Variants in PLEC observed in about 807,000 individuals in gnomAD.
PLEC encodes the protein hemidesmosomal protein 1.
PLEC carries 216 observed loss-of-function variants against 392.8 expected under a neutral mutation model. The ratio of observed to expected loss-of-function variants is 0.55; its 90% confidence interval spans 0.49 to 0.62. The LOEUF is 0.62. Among genes scored for constraint, PLEC ranks in the 20% least tolerant of loss-of-function variants. PLEC has a pLI of 0.00. For missense variants in PLEC, 6,863 were observed against 6,563.4 expected (o/e 1.05, Z -1.58); for synonymous variants, 3,621 against 2,980.6 (o/e 1.21, Z -7.00).
In PLEC at chr8:143,950,285, CG is replaced by C; in HGVS notation, c.421del (p.Arg141ValfsTer112). The C allele has an allele frequency of 6.4e-7, 1 of 1,570,518 alleles. No homozygotes were observed. On this transcript the variant is annotated frameshift_variant, in exon 1 of 32. Coordinates refer to the PLEC transcript ENST00000322810. LOFTEE classifies it high-confidence loss of function. ...TGACACCTCCTCAAGCTCCTTCCGA[CG>C]GTAGACCCGCTGCTCCTCCGTCGGC...
Position 143,918,789 on chromosome 8 carries a change from C to T in PLEC, c.11032G>A (p.Glu3678Lys), listed in dbSNP as rs782377451. 1.8e-5 allele frequency: 29 copies of T among 1,613,026 alleles called. No individual in the cohort carries two copies. The highest frequency in any genetic ancestry group is 1.7e-4 in the Admixed American group (10 of 60,004). The change falls in exon 32 of 32, where the codon GAG (glutamate) becomes AAG (lysine). Residue 3678 changes from glutamate (E) to lysine (K), a missense_variant. By Grantham distance (56) the Glu-to-Lys change is moderately conservative. Coordinates refer to ENST00000345136, the MANE Select transcript of PLEC (RefSeq NM_201384.3). ...AGGTAGCACCAGGCGGACTCCGCCTCGAGAGCCTCACGGAGGCTCCTGGTG... is the reference window on the plus strand; with the variant it reads ...AGGTAGCACCAGGCGGACTCCGCCTTGAGAGCCTCACGGAGGCTCCTGGTG... ...EGTRSLREAL[E>K]AESAWCYLYG...
chr8:143,923,640 G>T lies in PLEC; in HGVS notation c.6289C>A (p.Arg2097=), dbSNP rs1362358927. The change falls in exon 31 of 32, where the codon CGG becomes AGG. Residue 2097 remains arginine (R), a synonymous_variant. Coordinates refer to ENST00000345136, the MANE Select transcript of PLEC (RefSeq NM_201384.3). ...GCCGCCTCACGCTCCGCCTGCACCC[G>T]GGCCTCCTCCGCCTCCTCAGCCGCC... ...RRAAEEAEEA[R]VQAEREAAQS... 1 of 1,581,474 alleles carries T rather than the reference G, an allele frequency of 6.3e-7. No homozygotes were observed. Among genetic ancestry groups the T allele is most frequent in the East Asian group, 2.3e-5 (1 of 43,500 alleles).
chr8:143,971,986 C>T (rs1833451814), intron 1 of PLEC, among the ~76,000 whole-genome samples: 1 of 152,210 alleles, frequency 6.6e-6, no homozygotes, highest in Non-Finnish European at 1.5e-5. Context: ...GTTCCCACCC[C>T]AGGAGGTAGA....
At position 143,916,309 on chromosome 8, in the gene PLEC, G is replaced by A. The variant is rs782144607; in HGVS notation, c.13512C>T (p.Gly4504=). 1.3e-6 allele frequency: 2 copies of A among 1,580,368 alleles called. No individual in the cohort carries two copies. The highest frequency in any genetic ancestry group is 4.7e-5 in the East Asian group (2 of 42,818). Residue 4504 remains glycine (G), a synonymous_variant, in exon 32 of 32, where the codon GGC becomes GGT. Transcript: ENST00000345136. ...AGCCGGAGCCGGTGGCGTCAAAGCT[G>A]CCGCGGCGGGAGCCGGCCCGGGAGC... The part of the protein sequence containing the change: ...RTGSRAGSRR[G]SFDATGSGFS...
Position 143,973,398 on chromosome 8 carries a change from C to G in PLEC, c.70+5G>C. Reference sequence around the variant, plus strand: ...CCCGACAGGCAGCGGGACGGGGGGCCGTACCTTTGTACTTCTCGCGCACCT... The same window carrying G: ...CCCGACAGGCAGCGGGACGGGGGGCGGTACCTTTGTACTTCTCGCGCACCT... On this transcript the variant is annotated splice_donor_5th_base_variant and intron_variant, in intron 1 of 31. Coordinates refer to the PLEC transcript ENST00000356346. This position sits in a 1 kb window ranked among gnomAD's most constrained non-coding sequence, Gnocchi z 5.6. The G allele has an allele frequency of 1.3e-6, 2 of 1,558,858 alleles. No individual in the cohort carries two copies. Among genetic ancestry groups the G allele is most frequent in the South Asian group, 1.2e-5 (1 of 84,808 alleles).
intron 10 of PLEC, 84 bp from the exon 11 acceptor site, chr8:143,934,529 C>G (rs1486649224): frequency 3.1e-6 from 5 of 1,603,432 alleles, no homozygotes; most frequent in Admixed American, 3.3e-5. Context: ...CCCACCAGAC[C>G]TGGGACAGCC....
rs1165541639 is a variant in PLEC, at chr8:143,950,758, C to T, written c.-52G>A. ...GGGGGCAAAGGCAGCAGGCAGGGTA[C>T]CACGAGAAGGCCCGGGGCGCTGCGA... On this transcript the variant is annotated 5_prime_UTR_variant, in exon 1 of 32. Coordinates refer to the PLEC transcript ENST00000322810. The T allele has an allele frequency of 7.2e-5, 111 of 1,537,426 alleles. 1 individual carries two copies. The East Asian group carries it at 2.6e-3, about 36-fold the overall frequency.
At chr8:143,954,538 C>T (rs1832484546), upstream of PLEC, among the ~76,000 whole-genome samples, 1 of 152,314 alleles carries the variant, frequency 6.6e-6, no homozygotes, top group South Asian at 2.1e-4. The surrounding 1 kb of genome is among the most constrained non-coding windows in gnomAD (Gnocchi z 4.6). Context: ...GACACTGCAG[C>T]TCCATCCCTC....
Position 143,973,296 on chromosome 8 carries a change from G to A in PLEC, c.70+107C>T. ...GATCCAGGCGGACGAGGCCGGCGGA[G>A]TGGCCGCGCTCGGGCCGGCGATCGG... is the stretch of plus-strand genomic sequence containing the variant. On this transcript the variant is annotated intron_variant, in intron 1 of 31. Transcript: ENST00000356346. This position sits in a 1 kb window ranked among gnomAD's most constrained non-coding sequence, Gnocchi z 5.6. The A allele has an allele frequency of 7.2e-7, 1 of 1,397,996 alleles. No individual in the cohort carries two copies. Among genetic ancestry groups the A allele is most frequent in the Non-Finnish European group, 9.7e-7 (1 of 1,027,076 alleles). The allele number at this position is 1,397,996 out of a possible 1,614,324, so 86.6% of individuals were successfully genotyped here. A position where few individuals can be genotyped will look rare whatever the true frequency, so the allele number is the denominator to read the frequency against.
chr8:143,953,599 G>T, upstream of PLEC: 2 of 1,044,004 alleles, frequency 1.9e-6, no homozygotes, highest in Non-Finnish European at 1.5e-6. Flanking sequence ...TGCGGCTCTG[G>T]CTCAGCGACC....
rs575648563 is a variant in PLEC at position 143,936,252 on chromosome 8, C to A, written c.436-238G>T. On this transcript the variant is annotated intron_variant, in intron 5 of 31. Coordinates refer to ENST00000345136, the MANE Select transcript of PLEC (RefSeq NM_201384.3). The stretch of plus-strand genomic sequence containing the variant: ...CCAGCCGGTGGCAGCTGCCACCACG[C>A]AGCTCAGAACCCCCAACCCTCACTG... 4.1e-3 allele frequency among the ~76,000 whole-genome samples: 631 copies of A among 152,304 alleles called. 2 individuals carry two copies. The highest frequency in any genetic ancestry group is 6.6e-3 in the Non-Finnish European group (447 of 68,018).
At chr8:143,929,357 G>C in intron 24 of PLEC, 57 bp downstream of exon 24, 4 of 1,575,124 alleles carry the variant, frequency 2.5e-6, no homozygotes, top group Non-Finnish European at 2.6e-6. Flanking sequence ...AAAGGAGGGA[G>C]GGTGGGAGGA....
At chr8:143,936,936 A>C (rs782007607) in intron 5 of PLEC, 43 bp downstream of exon 5, 2 of 1,468,812 alleles carry the variant, frequency 1.4e-6, no homozygotes, top group South Asian at 1.1e-5. Context: ...GCTACCCTGG[A>C]AACTCCTGCA....
chr8:143,919,358 G>A lies in PLEC; in HGVS notation c.10463C>T (p.Ala3488Val). The A allele has an allele frequency of 6.2e-7, 1 of 1,613,872 alleles. No homozygotes were observed. The highest frequency in any genetic ancestry group is 8.5e-7 in the Non-Finnish European group (1 of 1,180,036). Residue 3488 changes from alanine to valine, a missense_variant, in exon 32 of 32, where the codon GCC becomes GTC. Transcript: ENST00000345136. ...VHSHRVPVDVAYQRGYFSEEM... is the reference protein window; with the variant it reads ...VHSHRVPVDVVYQRGYFSEEM... ...CTCACTGAAGTAGCCGCGCTGGTAG[G>A]CCACGTCCACAGGCACGCGGTGGCT...
chr8:143,930,305 C>G lies in PLEC; in HGVS notation c.2458-7G>C, dbSNP rs372799330. 6.3e-7 allele frequency: 1 copy of G among 1,599,748 alleles called. No homozygotes were observed. The highest frequency in any genetic ancestry group is 2.2e-5 in the East Asian group (1 of 44,598). The stretch of plus-strand genomic sequence containing the variant: ...CACCCTTGTGCACAGTCACCTGGGA[C>G]GGGCAGAGTCGGTGAGGACATGGCC... On this transcript the variant is annotated splice_polypyrimidine_tract_variant and splice_region_variant and intron_variant, in intron 20 of 31. Coordinates refer to ENST00000345136, the MANE Select transcript of PLEC (RefSeq NM_201384.3).
At position 143,920,293 on chromosome 8, in the gene PLEC, G is replaced by A. The variant is rs368317567; in HGVS notation, c.9528C>T (p.Ala3176=). 84 of 1,590,782 alleles carry A rather than the reference G, an allele frequency of 5.3e-5. No individual in the cohort carries two copies. The highest frequency in any genetic ancestry group is 6.9e-5 in the Admixed American group (4 of 57,800). ...ETSRALSAPR[A]DAKAYSDPST... ...TGGGGTCACTGTAGGCCTTGGCGTC[G>A]GCCCTTGGTGCCGACAGGGCCCTGC... Residue 3176 remains alanine, a synonymous_variant, in exon 32 of 32, where the codon GCC becomes GCT. Coordinates refer to ENST00000345136, the MANE Select transcript of PLEC (RefSeq NM_201384.3).
Position 143,933,074 on chromosome 8 carries a change from T to A in PLEC, c.1456A>T (p.Thr486Ser). 1 of 1,589,898 alleles carries A rather than the reference T, an allele frequency of 6.3e-7. No homozygotes were observed. The highest frequency in any genetic ancestry group is 8.5e-7 in the Non-Finnish European group (1 of 1,170,232). Residue 486 changes from threonine to serine, a missense_variant, in exon 14 of 32, where the codon ACC becomes TCC. By Grantham distance (58) the Thr-to-Ser change is moderately conservative. Coordinates refer to ENST00000345136, the MANE Select transcript of PLEC (RefSeq NM_201384.3). Reference protein sequence around the residue: ...RLHERLVAIRTEYNLRLKAGV... With the variant: ...RLHERLVAIRSEYNLRLKAGV... The stretch of plus-strand genomic sequence containing the variant: ...GCCTTCAGCCGTAGGTTGTACTCGG[T>A]GCGGATGGCTACCAGGCGCTCGTGC...
In PLEC at chr8:143,920,189, G is replaced by A. The variant is rs781793644; in HGVS notation, c.9632C>T (p.Pro3211Leu). The A allele has an allele frequency of 3.7e-5, 60 of 1,611,110 alleles. No homozygotes were observed. The highest frequency in any genetic ancestry group is 4.2e-5 in the Non-Finnish European group (50 of 1,179,856). ...GGCCCGAGCAGCCTTTTCTGAGAGC[G>A]GCAGCAGGCTCAGCCCGGTCAGCTG... ...PDQLTGLSLLPLSEKAARARQ... is the reference protein window; with the variant it reads ...PDQLTGLSLLLLSEKAARARQ... Residue 3211 changes from proline (P) to leucine (L), a missense_variant, in exon 32 of 32, where the codon CCG (proline) becomes CTG (leucine). Transcript: ENST00000345136.
upstream of PLEC, chr8:143,950,915 C>T (rs1832082785): frequency 6.7e-6 from 7 of 1,049,494 alleles, no homozygotes; most frequent in South Asian, 1.0e-4. Flanking sequence ...CCGTGCAATC[C>T]CTGCCGGCAC....
Sources: gnomAD v4.1 joint callset for allele counts (sites outside exome capture counted in the v4.1 genomes callset) on GRCh38, gnomAD v4.1.1 for gene constraint, Gnocchi (gnomAD v3.1) non-coding constraint, MANE v1.5 for transcripts, NCBI Gene and HGNC (gene_info 2026-07-23, HGNC 2026-07-21) for gene names.